The following ENTREP2 variants were observed in gnomAD, a reference collection of about 807,000 sequenced individuals.
The protein encoded by ENTREP2 is protein ENTREP2.
the ENTREP2 span, among the ~76,000 whole-genome samples, chr15:29,388,097 A>G: frequency 2.0e-5 from 3 of 152,230 alleles, no homozygotes; most frequent in African/African-American, 4.8e-5. Flanking sequence ...AGCAATGGCA[A>G]CAAAAGCCAA....
At chr15:29,651,473 C>T in the ENTREP2 span, among the ~76,000 whole-genome samples, 27 of 152,310 alleles carry the variant, frequency 1.8e-4, no homozygotes, top group African/African-American at 6.5e-4. Flanking sequence ...CCTGGGCCTC[C>T]CATTCTCAGA....
At chr15:29,606,238 C>CT in the ENTREP2 span, among the ~76,000 whole-genome samples, 375 of 140,374 alleles carry the variant, frequency 2.7e-3, 2 homozygotes, top group African/African-American at 6.6e-3. Context: ...TCTTTTCCTT[C>CT]TTTTTTTTTT....
chr15:29,375,060 G>A, the ENTREP2 span: 110 of 152,210 alleles, frequency 7.2e-4, no homozygotes, highest in African/African-American at 2.5e-3. Flanking sequence ...TCCTATGAAC[G>A]TTCTCAAACT....
the ENTREP2 span, among the ~76,000 whole-genome samples, chr15:29,593,356 C>A: frequency 1.4e-4 from 22 of 152,260 alleles, no homozygotes; most frequent in African/African-American, 5.1e-4. Context: ...CTCATTCATT[C>A]CTGATAGCTT....
the ENTREP2 span, among the ~76,000 whole-genome samples, chr15:29,141,287 G>A: frequency 3.9e-5 from 6 of 152,184 alleles, no homozygotes; most frequent in Admixed American, 2.0e-4. Context: ...GGGCACTGAG[G>A]GCCCACAGGA....
chr15:29,130,959 G>A, the ENTREP2 span, among the ~76,000 whole-genome samples: 1 of 152,202 alleles, frequency 6.6e-6, no homozygotes, highest in Non-Finnish European at 1.5e-5. Flanking sequence ...CGGGGAGAGG[G>A]CTGTTGACAG....
chr15:29,479,658 C>CACACACAT, the ENTREP2 span, among the ~76,000 whole-genome samples: 1 of 135,578 alleles, frequency 7.4e-6, no homozygotes, highest in Non-Finnish European at 1.5e-5. Flanking sequence ...GTCTGTCTCA[C>CACACACAT]ACACACATAC....
the ENTREP2 span, among the ~76,000 whole-genome samples, chr15:29,566,299 C>T: frequency 6.6e-6 from 1 of 151,624 alleles, no homozygotes; most frequent in African/African-American, 2.4e-5. Flanking sequence ...GCTGGAACTA[C>T]AGGCACCTGC....
the ENTREP2 span, among the ~76,000 whole-genome samples, chr15:29,607,627 T>C: frequency 7.9e-5 from 12 of 152,334 alleles, no homozygotes; most frequent in African/African-American, 2.6e-4. Context: ...TGCCATGACT[T>C]GTCAGTTACA....
chr15:29,196,290 C>A, the ENTREP2 span: 1 of 869,564 alleles, frequency 1.2e-6, no homozygotes, highest in Non-Finnish European at 1.7e-6. Context: ...CAAATGTTCT[C>A]TGGAAAGATA....
chr15:29,127,003 C>A, the ENTREP2 span, among the ~76,000 whole-genome samples: 23 of 152,292 alleles, frequency 1.5e-4, no homozygotes, highest in African/African-American at 5.3e-4. Flanking sequence ...GCAGCAGCAG[C>A]CTTGCCCTGG....
At chr15:29,656,095 C>T in the ENTREP2 span, among the ~76,000 whole-genome samples, 1 of 150,326 alleles carries the variant, frequency 6.7e-6, no homozygotes, top group East Asian at 1.9e-4. Context: ...AAGAACAAAG[C>T]TCCCACCTTT....
the ENTREP2 span, among the ~76,000 whole-genome samples, chr15:29,238,207 G>C: frequency 2.0e-5 from 3 of 152,222 alleles, no homozygotes; most frequent in Non-Finnish European, 2.9e-5. Flanking sequence ...CAAGGAAGGA[G>C]AGTGAGAGCT....
the ENTREP2 span, among the ~76,000 whole-genome samples, chr15:29,204,378 T>A: frequency 1.5e-4 from 23 of 152,280 alleles, no homozygotes; most frequent in Non-Finnish European, 2.6e-4. Context: ...CCTTCAGATA[T>A]TCTCAAAGGG....
the ENTREP2 span, among the ~76,000 whole-genome samples, chr15:29,345,689 A>T: frequency 1.4e-5 from 2 of 140,854 alleles, no homozygotes; most frequent in East Asian, 2.1e-4. Flanking sequence ...CTCCTGCCCC[A>T]CATCCCCCCC....
At chr15:29,539,747 C>T in the ENTREP2 span, among the ~76,000 whole-genome samples, 2 of 152,130 alleles carry the variant, frequency 1.3e-5, no homozygotes, top group East Asian at 1.9e-4. Context: ...GGCCCAGAAT[C>T]GCTAGGAGGG....
chr15:29,585,653 G>A, the ENTREP2 span, among the ~76,000 whole-genome samples: 6 of 151,568 alleles, frequency 4.0e-5, no homozygotes, highest in Admixed American at 1.3e-4. Context: ...TCAGGAGATC[G>A]AGACCATCCT....
chr15:29,631,175 A>T, the ENTREP2 span, among the ~76,000 whole-genome samples: 1 of 152,098 alleles, frequency 6.6e-6, no homozygotes, highest in African/African-American at 2.4e-5. Flanking sequence ...TTTCAGGAGT[A>T]TTTGTAATTG....
At chr15:29,440,723 C>T in the ENTREP2 span, among the ~76,000 whole-genome samples, 1 of 152,178 alleles carries the variant, frequency 6.6e-6, no homozygotes, top group Admixed American at 6.5e-5. Flanking sequence ...CTTCCACTGT[C>T]ACCATCCTCT....
Sources: gnomAD v4.1 joint callset for allele counts (sites outside exome capture counted in the v4.1 genomes callset) on GRCh38, gnomAD v4.1.1 for gene constraint, MANE v1.5 for transcripts, NCBI Gene and HGNC (gene_info 2026-07-23, HGNC 2026-07-21) for gene names.